Variants in KIFC3 observed in about 807,000 individuals in gnomAD.
KIFC3 encodes kinesin-like protein KIFC3.
In KIFC3, 60 loss-of-function variants were observed where a neutral mutation model predicts 101.8. The observed-to-expected ratio is 0.59, with a 90% CI of 0.48 to 0.73. The LOEUF is 0.73. Among genes scored for constraint, KIFC3 ranks in the 30% least tolerant of loss-of-function variants. KIFC3 has a pLI of 0.00. For missense variants in KIFC3, 966 were observed against 1,137.1 expected (o/e 0.85, Z 2.16); for synonymous variants, 476 against 482.7 (o/e 0.99, Z 0.18).
chr16:57,781,814 G>T, intron 3 of KIFC3: 1 of 416,234 alleles, frequency 2.4e-6, no homozygotes, highest in Non-Finnish European at 3.2e-6. Context: ...CTCCTAAGAG[G>T]TTAAGCCTTG....
chr16:57,774,720 T>C, intron 3 of KIFC3: 1 of 460,434 alleles, frequency 2.2e-6, no homozygotes, highest in Non-Finnish European at 3.7e-6. Flanking sequence ...TATAGAAGGG[T>C]CTTGCCATTT....
At chr16:57,763,583 G>A (rs115698753) in intron 12 of KIFC3, among the ~76,000 whole-genome samples, 5,070 of 151,864 alleles carry the variant, frequency 0.033, 297 homozygotes, top group African/African-American at 0.12. Flanking sequence ...TAGTCTCAAC[G>A]CCCCTCTCCC....
Position 57,858,740 on chromosome 16 carries a change from A to C in KIFC3, c.108+3989T>G, listed in dbSNP as rs746105713. On this transcript the variant is annotated intron_variant, in intron 1 of 2. Coordinates refer to the KIFC3 transcript ENST00000563028. ...GGTGGACGGATCACTTGAGGTCAGG[A>C]GGTCAAGACCAGCCTGGCCAACACG... Among the ~76,000 whole-genome samples the C allele has an allele frequency of 9.4e-4, 143 of 152,268 alleles. 2 individuals carry two copies. The highest frequency in any genetic ancestry group is 1.7e-3 in the South Asian group (8 of 4,830).
intron 1 of KIFC3, among the ~76,000 whole-genome samples, chr16:57,853,286 G>C (rs1022814031): frequency 6.6e-6 from 1 of 152,006 alleles, no homozygotes; most frequent in African/African-American, 2.4e-5. Flanking sequence ...GGGCATGGTG[G>C]TACATGCCTG....
intron 10 of KIFC3, 136 bp downstream of exon 10, chr16:57,766,738 T>C (rs1483648749): frequency 1.6e-6 from 1 of 611,202 alleles, no homozygotes; most frequent in Non-Finnish European, 2.9e-6. Flanking sequence ...CCCTGCCTTC[T>C]CTGTGCCTCT....
chr16:57,762,407 C>T, intron 12 of KIFC3, 137 bp from the exon 13 acceptor site: 1 of 892,254 alleles, frequency 1.1e-6, no homozygotes, highest in East Asian at 2.8e-5. Flanking sequence ...CTGCCACTGT[C>T]CCCCAAAATG....
chr16:57,826,759 G>A (rs2055465239), intron 1 of KIFC3, among the ~76,000 whole-genome samples: 1 of 152,218 alleles, frequency 6.6e-6, no homozygotes, highest in Non-Finnish European at 1.5e-5. Context: ...CTGACAGTTT[G>A]TTCTGCTGAG....
chr16:57,800,208 G>C (rs1356999116), intron 1 of KIFC3, among the ~76,000 whole-genome samples: 1 of 152,222 alleles, frequency 6.6e-6, no homozygotes, highest in African/African-American at 2.4e-5. Context: ...CTGGAAGAAT[G>C]CCAGGCACCT....
At chr16:57,804,503 G>A (rs2054888154), upstream of KIFC3, among the ~76,000 whole-genome samples, 1 of 152,170 alleles carries the variant, frequency 6.6e-6, no homozygotes, top group Non-Finnish European at 1.5e-5. Flanking sequence ...AAGCACCAGC[G>A]AAGGAAAAAG....
chr16:57,856,339 G>T (rs1482524857), intron 1 of KIFC3, among the ~76,000 whole-genome samples: 2 of 151,724 alleles, frequency 1.3e-5, no homozygotes, highest in Non-Finnish European at 2.9e-5. Context: ...AAAATTAGCT[G>T]GCATGGCAGC....
At chr16:57,856,900 T>C (rs1173283369) in intron 1 of KIFC3, among the ~76,000 whole-genome samples, 2 of 152,190 alleles carry the variant, frequency 1.3e-5, no homozygotes, top group Non-Finnish European at 2.9e-5. Flanking sequence ...ATAGCTAAAA[T>C]CCTTCCAGAA....
chr16:57,785,169 C>T (rs1156551710), intron 3 of KIFC3, among the ~76,000 whole-genome samples: 5 of 152,154 alleles, frequency 3.3e-5, no homozygotes, highest in Non-Finnish European at 7.4e-5. Context: ...ACATCTACGT[C>T]ACCTCCTAGT....
chr16:57,770,406 C>T lies in KIFC3; in HGVS notation c.939+121G>A, dbSNP rs1028623003. The T allele has an allele frequency of 9.1e-5, 83 of 909,266 alleles. No homozygotes were observed. The East Asian group carries it at 2.2e-3, about 24-fold the overall frequency. The allele number at this position is 909,266 out of a possible 1,614,324, so 56.3% of individuals were successfully genotyped here. A position where few individuals can be genotyped will look rare whatever the true frequency, so the allele number is the denominator to read the frequency against. ...AACTTGCCCTGGGTCCCGTGGCCATCGGGGAGAGGAGGGACTGGACCCCGT... is the reference window on the plus strand; with the variant it reads ...AACTTGCCCTGGGTCCCGTGGCCATTGGGGAGAGGAGGGACTGGACCCCGT... On this transcript the variant is annotated intron_variant, in intron 7 of 19. Coordinates refer to ENST00000445690, the MANE Select transcript of KIFC3 (RefSeq NM_001130100.2).
chr16:57,827,604 A>G (rs1319636768), intron 1 of KIFC3, among the ~76,000 whole-genome samples: 1 of 151,570 alleles, frequency 6.6e-6, no homozygotes, highest in Non-Finnish European at 1.5e-5. Flanking sequence ...CAGGACCACA[A>G]CCTCCCTGTC....
Position 57,761,408 on chromosome 16 carries a change from C to A in KIFC3, c.1872+5G>T. The stretch of plus-strand genomic sequence containing the variant: ...GGCTGTGGTCAGGGGCTCCCGCCTC[C>A]ACACCTTGTTGATGTCGTCCACGCT... On this transcript the variant is annotated splice_donor_5th_base_variant and intron_variant, in intron 14 of 19. Transcript: ENST00000445690. The A allele has an allele frequency of 1.2e-6, 2 of 1,613,958 alleles. No individual in the cohort carries two copies. The highest frequency in any genetic ancestry group is 2.2e-5 in the South Asian group (2 of 91,070).
chr16:57,771,720 G>A, intron 4 of KIFC3, 34 bp from the exon 5 acceptor site: 7 of 1,594,454 alleles, frequency 4.4e-6, no homozygotes, highest in Admixed American at 1.7e-5. Flanking sequence ...GGCGCATGTG[G>A]CGAGGGCAGA....
chr16:57,841,107 C>T (rs1395333297), intron 1 of KIFC3, among the ~76,000 whole-genome samples: 5 of 152,180 alleles, frequency 3.3e-5, no homozygotes, highest in South Asian at 2.1e-4. Context: ...TCAGCAGAGA[C>T]GGAACAATAG....
rs1266352888 is a variant in KIFC3, at chr16:57,759,741, C to G, written c.2463G>C (p.Lys821Asn). ...TSSRPGSIRR[K>N]LQPSA ...CTCCAGGCTCACCCGAGGGCTGCAG[C>G]TTCCTCCGGATGGATCCAGGGCGGC... Residue 821 changes from lysine (K) to asparagine (N), a missense_variant, in exon 18 of 20, where the codon AAG becomes AAC. Around this residue, in one of 2 missense-constraint regions of KIFC3, gnomAD observed 689 missense variants for 884.6 expected, o/e 0.78. Transcript: ENST00000445690. The G allele has an allele frequency of 6.2e-7, 1 of 1,610,216 alleles. No homozygotes were observed. The highest frequency in any genetic ancestry group is 2.2e-5 in the East Asian group (1 of 44,798).
At position 57,798,118 on chromosome 16, in the gene KIFC3, C is replaced by A. The variant is rs781784388; in HGVS notation, c.126G>T (p.Pro42=). 1 of 1,577,420 alleles carries A rather than the reference C, an allele frequency of 6.3e-7. No homozygotes were observed. Among genetic ancestry groups the A allele is most frequent in the Non-Finnish European group, 8.6e-7 (1 of 1,162,096 alleles). The change falls in exon 2 of 20, where the codon CCG becomes CCT. Residue 42 remains proline, a synonymous_variant. Transcript: ENST00000445690. Reference sequence around the variant, plus strand: ...CGGTGTGTGGGAAAGGGCGGGCGGCCGGGCTGGCTGGGGCTGGGGCGGGGC... The same window carrying A: ...CGGTGTGTGGGAAAGGGCGGGCGGCAGGGCTGGCTGGGGCTGGGGCGGGGC... ...MARPAPAPAS[P]AARPFPHTGP...
Sources: allele counts gnomAD v4.1 joint callset (sites outside exome capture counted in the v4.1 genomes callset), GRCh38; gene constraint gnomAD v4.1.1; regional missense constraint gnomAD v4.1.1; transcripts MANE v1.5; gene names NCBI Gene and HGNC (gene_info 2026-07-23, HGNC 2026-07-21).